Variants in CCDC169 observed in about 807,000 individuals in gnomAD.
CCDC169 encodes the protein coiled-coil domain-containing protein 169.
In CCDC169, 30 loss-of-function variants were observed where a neutral mutation model predicts 36.0. The ratio of observed to expected loss-of-function variants is 0.83; its 90% CI spans 0.62 to 1.13. The LOEUF is 1.13. CCDC169 is among the 50% of genes most tolerant of loss of function. The probability of loss-of-function intolerance (pLI) is 0.00; values close to 1 mark genes in which losing one functional copy is unlikely to be tolerated. For synonymous variants in CCDC169, 85 were observed against 81.5 expected (o/e 1.04, Z -0.23); for missense variants, 245 against 245.9 (o/e 1.00, Z 0.03).
At chr13:36,233,487 T>C (rs1870693960) in intron 7 of CCDC169, among the ~76,000 whole-genome samples, 1 of 151,934 alleles carries the variant, frequency 6.6e-6, no homozygotes, top group South Asian at 2.1e-4. Context: ...GAAGTCCAGA[T>C]GTTAGACTTA....
Position 36,230,870 on chromosome 13 carries a change from AC to A in CCDC169, c.*322del, listed in dbSNP as rs776582368. The A allele has an allele frequency of 8.9e-6, 9 of 1,012,768 alleles. No individual in the cohort carries two copies. Among genetic ancestry groups the A allele is most frequent in the Non-Finnish European group, 1.1e-5 (9 of 848,604 alleles). The allele number at this position is 1,012,768 out of a possible 1,614,324, so 62.7% of individuals were successfully genotyped here. On this transcript the variant is annotated 3_prime_UTR_variant, in exon 8 of 8. Transcript: ENST00000239859. ...AATACACACTTTTTGCTAACAGTCA[AC>A]TAGAAACCAAATAGAATAGCAACGT... is the stretch of plus-strand genomic sequence containing the variant.
chr13:36,237,389 C>T (rs915895262), intron 7 of CCDC169, among the ~76,000 whole-genome samples: 133 of 152,130 alleles, frequency 8.7e-4, no homozygotes, highest in Middle Eastern at 3.4e-3. Context: ...CTTGGCAGTT[C>T]CTCAAAAAGA....
chr13:36,281,277 AAAAAG>A (rs1350642888), intron 4 of CCDC169: 4 of 444,150 alleles, frequency 9.0e-6, no homozygotes, highest in Non-Finnish European at 1.8e-5. Context: ...CATGAGGAAA[AAAAAG>A]AAAAGAGAAA....
intron 4 of CCDC169, among the ~76,000 whole-genome samples, chr13:36,257,030 G>A (rs534910081): frequency 1.3e-5 from 2 of 152,258 alleles, no homozygotes; most frequent in East Asian, 3.9e-4. Context: ...AGTGGCCTGT[G>A]GGCCACAGCT....
At chr13:36,280,216 C>G (rs1414206373) in intron 4 of CCDC169, 2 of 152,042 alleles carry the variant, frequency 1.3e-5, no homozygotes, top group South Asian at 4.1e-4. Flanking sequence ...CATGGTAGTC[C>G]TTGCCTATAA....
At chr13:36,228,766 G>A (rs1162792892), downstream of CCDC169, among the ~76,000 whole-genome samples, 1 of 152,040 alleles carries the variant, frequency 6.6e-6, no homozygotes, top group East Asian at 1.9e-4. Context: ...GCTCAGGCTG[G>A]TCTGGAACTC....
chr13:36,232,714 CA>C (rs1214172768), intron 7 of CCDC169, among the ~76,000 whole-genome samples: 125 of 54,328 alleles, frequency 2.3e-3, no homozygotes, highest in Admixed American at 1.9e-3. Flanking sequence ...GACTCCGTCT[CA>C]AAAAAAAAAA....
At chr13:36,271,744 A>C (rs1216446628) in intron 4 of CCDC169, among the ~76,000 whole-genome samples, 3 of 152,098 alleles carry the variant, frequency 2.0e-5, no homozygotes, top group Non-Finnish European at 4.4e-5. Flanking sequence ...AATGAACTTT[A>C]GAGATGCAGA....
intron 7 of CCDC169, chr13:36,240,546 C>T (rs1056632316): frequency 5.5e-5 from 58 of 1,057,326 alleles, no homozygotes; most frequent in Admixed American, 1.3e-4. Flanking sequence ...CAGAAGGATA[C>T]GCCCCTAACA....
intron 7 of CCDC169, among the ~76,000 whole-genome samples, chr13:36,240,033 T>C (rs1316062164): frequency 1.3e-5 from 2 of 152,160 alleles, no homozygotes; most frequent in African/African-American, 4.8e-5. Flanking sequence ...TATCTATGTA[T>C]GTAAAAAAAC....
intron 2 of CCDC169, among the ~76,000 whole-genome samples, chr13:36,286,952 C>A (rs1259558842): frequency 6.6e-6 from 1 of 152,148 alleles, no homozygotes; most frequent in African/African-American, 2.4e-5. Flanking sequence ...TTTCTCTTTT[C>A]CTGTTCAAAC....
chr13:36,231,350 A>G, intron 7 of CCDC169, 58 bp from the exon 8 acceptor site: 2 of 1,482,216 alleles, frequency 1.3e-6, no homozygotes, highest in South Asian at 2.4e-5. Context: ...CAACAAAAAC[A>G]TTATAGGCCA....
chr13:36,275,571 A>T (rs1411397886), intron 4 of CCDC169, among the ~76,000 whole-genome samples: 1 of 152,200 alleles, frequency 6.6e-6, no homozygotes, highest in East Asian at 1.9e-4. Context: ...ATACTTTAAA[A>T]ATATATACTT....
chr13:36,223,135 C>T (rs1467956332), downstream of CCDC169: 4 of 152,084 alleles, frequency 2.6e-5, no homozygotes, highest in South Asian at 2.1e-4. Flanking sequence ...TTTGAAAGCT[C>T]ATATTTATAG....
intron 2 of CCDC169, among the ~76,000 whole-genome samples, chr13:36,291,629 AT>A (rs531209032): frequency 1.7e-3 from 252 of 152,200 alleles, no homozygotes; most frequent in African/African-American, 5.7e-3. Context: ...GCTATAACTC[AT>A]TTCTATTTCA....
At chr13:36,267,740 A>G (rs1181661033) in intron 4 of CCDC169, among the ~76,000 whole-genome samples, 1 of 152,186 alleles carries the variant, frequency 6.6e-6, no homozygotes, top group East Asian at 1.9e-4. Flanking sequence ...TATAAACTCA[A>G]GGTAAAAGGG....
intron 7 of CCDC169, among the ~76,000 whole-genome samples, chr13:36,240,841 T>C (rs926891216): frequency 6.6e-6 from 1 of 152,162 alleles, no homozygotes; most frequent in Non-Finnish European, 1.5e-5. Context: ...ACCTATTGAC[T>C]TGTCTAGACT....
intron 6 of CCDC169, among the ~76,000 whole-genome samples, chr13:36,249,713 A>G (rs1033461686): frequency 9.4e-5 from 14 of 149,278 alleles, no homozygotes; most frequent in African/African-American, 3.4e-4. Flanking sequence ...GCAGTAAAAG[A>G]GAGATTAAAA....
intron 7 of CCDC169, among the ~76,000 whole-genome samples, chr13:36,235,343 A>G (rs1034382802): frequency 6.6e-6 from 1 of 151,582 alleles, no homozygotes; most frequent in Non-Finnish European, 1.5e-5. Flanking sequence ...TATTACTCTT[A>G]TTTTCTTCTT....
Sources: gnomAD v4.1 joint callset for allele counts (sites outside exome capture counted in the v4.1 genomes callset) on GRCh38, gnomAD v4.1.1 for gene constraint, MANE v1.5 for transcripts, NCBI Gene and HGNC (gene_info 2026-07-23, HGNC 2026-07-21) for gene names.